Variants in OGN observed in about 807,000 individuals in gnomAD.
OGN encodes the protein osteoglycin, also known as mimecan.
A neutral mutation model predicts 30.8 loss-of-function variants in OGN; 19 were observed. The observed-to-expected ratio is 0.62, with a 90% CI of 0.43 to 0.90. OGN has a LOEUF of 0.90. Among genes scored for constraint, OGN ranks in the 40% least tolerant of loss-of-function variants. OGN has a pLI of 0.00. For synonymous variants in OGN, 126 were observed against 128.3 expected, an observed-to-expected ratio of 0.98 and a Z score of 0.12; for missense variants, 283 against 349.7, an observed-to-expected ratio of 0.81 and a Z score of 1.52.
intron 3 of OGN, among the ~76,000 whole-genome samples, chr9:92,399,765 C>T (rs1588099295): frequency 6.6e-6 from 1 of 152,220 alleles, no homozygotes; most frequent in East Asian, 1.9e-4. Flanking sequence ...ACCATTTTTG[C>T]TTCAGTGATT....
At position 92,390,064 on chromosome 9, in the gene OGN, G is replaced by GAA. The variant is rs775291999; in HGVS notation, c.428-10_428-9dup. ...CGAGTCTTCTTAAGTTAGCTAGAGG[G>GAA]AAAAAAATATAAAAAACAACTACGT... On this transcript the variant is annotated splice_polypyrimidine_tract_variant and intron_variant, in intron 4 of 6. Transcript: ENST00000375561. 13 of 1,499,346 alleles carry GAA rather than the reference G, an allele frequency of 8.7e-6. No individual in the cohort carries two copies. In the Admixed American group the frequency reaches 1.9e-4, roughly 22 times the overall value. 92.9% of individuals were successfully genotyped at this position (1,499,346 alleles called of 1,614,324 possible). A position where few individuals can be genotyped will look rare whatever the true frequency, so the allele number is the denominator to read the frequency against.
intron 1 of OGN, 84 bp downstream of exon 1, chr9:92,404,412 C>A (rs868060483): frequency 1.2e-6 from 1 of 855,712 alleles, no homozygotes; most frequent in African/African-American, 1.9e-5. Context: ...CCAGAGATGG[C>A]CTTTACATTT....
At chr9:92,389,573 T>A (rs1375496879) in intron 5 of OGN, 1 of 238,862 alleles carries the variant, frequency 4.2e-6, no homozygotes, top group East Asian at 9.1e-5. Context: ...GGGCCAACCA[T>A]GTCTGTCTAA....
At chr9:92,400,938 G>A (rs1315464843) in intron 3 of OGN, among the ~76,000 whole-genome samples, 154 bp downstream of exon 3, 4 of 152,178 alleles carry the variant, frequency 2.6e-5, no homozygotes, top group Non-Finnish European at 4.4e-5. Context: ...GATGGCAAAT[G>A]GTGTGCACTC....
chr9:92,394,467 G>C lies in OGN; in HGVS notation c.269-1223C>G, dbSNP rs1842811720. Among the ~76,000 whole-genome samples, 3 of 150,358 alleles carry C rather than the reference G, an allele frequency of 2.0e-5. No homozygotes were observed. The South Asian group carries it at 6.3e-4, about 32-fold the overall frequency. On this transcript the variant is annotated intron_variant, in intron 3 of 6. Coordinates refer to ENST00000375561, the MANE Select transcript of OGN (RefSeq NM_014057.5). ...AAGGTTTCACCATGTTGGCCAGGCTGGTCTCGAACATGACCTCAAGTGATC... is the reference window on the plus strand; with the variant it reads ...AAGGTTTCACCATGTTGGCCAGGCTCGTCTCGAACATGACCTCAAGTGATC...
chr9:92,394,269 G>A (rs141556634), intron 3 of OGN, among the ~76,000 whole-genome samples: 11 of 152,098 alleles, frequency 7.2e-5, no homozygotes, highest in Admixed American at 2.0e-4. Flanking sequence ...TTGAGACAGA[G>A]TCTTGCCCTG....
chr9:92,403,192 G>A, intron 2 of OGN, 42 bp downstream of exon 2: 1 of 1,329,586 alleles, frequency 7.5e-7, no homozygotes, highest in South Asian at 1.4e-5. Context: ...CATTTAAATG[G>A]GCAGTATTTT....
intron 2 of OGN, 114 bp downstream of exon 2, chr9:92,403,120 A>G (rs1370785176): frequency 2.2e-5 from 14 of 644,410 alleles, no homozygotes; most frequent in Non-Finnish European, 3.4e-5. Flanking sequence ...CGTTTGAATC[A>G]TTTAAAGTGA....
chr9:92,400,270 T>A (rs1282273966), intron 3 of OGN, among the ~76,000 whole-genome samples: 1 of 152,018 alleles, frequency 6.6e-6, no homozygotes, highest in Admixed American at 6.6e-5. Flanking sequence ...CTGCCTCAGC[T>A]TCCCGAGTAG....
chr9:92,403,918 C>T (rs892962937), intron 1 of OGN, among the ~76,000 whole-genome samples: 2 of 152,026 alleles, frequency 1.3e-5, no homozygotes, highest in African/African-American at 4.8e-5. Context: ...TTAAATTTAA[C>T]ATTATGAAAA....
At chr9:92,385,903 T>C in intron 6 of OGN, 113 bp from the exon 7 acceptor site, 1 of 934,000 alleles carries the variant, frequency 1.1e-6, no homozygotes, top group Non-Finnish European at 1.6e-6. Flanking sequence ...TCACTTCAAA[T>C]CCTTGTGTCA....
chr9:92,391,739 A>G (rs982764193), intron 4 of OGN, among the ~76,000 whole-genome samples: 8 of 152,236 alleles, frequency 5.3e-5, no homozygotes, highest in African/African-American at 1.7e-4. Context: ...ACCAGAAGAC[A>G]GTGTTACCTT....
intron 3 of OGN, among the ~76,000 whole-genome samples, chr9:92,398,794 G>A (rs977255269): frequency 2.0e-5 from 3 of 152,126 alleles, no homozygotes; most frequent in African/African-American, 7.2e-5. Context: ...AAGTTGGCCG[G>A]GAGTGGTGGC....
At chr9:92,390,685 C>CA (rs1182362917) in intron 4 of OGN, among the ~76,000 whole-genome samples, 1 of 152,124 alleles carries the variant, frequency 6.6e-6, no homozygotes, top group East Asian at 1.9e-4. Context: ...AAAATTACCA[C>CA]AAGTGTTGAA....
intron 1 of OGN, 66 bp downstream of exon 1, chr9:92,404,430 C>CTT (rs1843240315): frequency 9.6e-7 from 1 of 1,039,656 alleles, no homozygotes; most frequent in Non-Finnish European, 1.3e-6. Context: ...TTTATTAAGA[C>CTT]TATTAGATGA....
chr9:92,388,831 CAAA>C (rs533649013), intron 5 of OGN, among the ~76,000 whole-genome samples: 3 of 83,580 alleles, frequency 3.6e-5, no homozygotes, highest in Non-Finnish European at 2.5e-5. Flanking sequence ...GACTCCATCT[CAAA>C]AAAAAAAAAA....
rs1396970359 is a variant in OGN, at chr9:92,389,913, A to G, written c.571T>C (p.Leu191=). ...KLPVLPPKLT[L]FNAKYNKIKS... ...ATTTTGTTGTATTTTGCATTAAATA[A>G]AGTGAGCTTGGGAGGAAGAACTGGA... The change falls in exon 5 of 7, where the codon TTA becomes CTA. Residue 191 remains leucine, a synonymous_variant. Coordinates refer to ENST00000375561, the MANE Select transcript of OGN (RefSeq NM_014057.5). The G allele has an allele frequency of 6.2e-7, 1 of 1,613,406 alleles. No individual in the cohort carries two copies.
Position 92,393,107 on chromosome 9 carries a change from C to T in OGN, c.406G>A (p.Ala136Thr), listed in dbSNP as rs780550892. The T allele has an allele frequency of 2.3e-5, 37 of 1,613,254 alleles. No individual in the cohort carries two copies. Among genetic ancestry groups the T allele is most frequent in the Middle Eastern group, 1.6e-4 (1 of 6,078 alleles). Residue 136 changes from alanine to threonine, a missense_variant, in exon 4 of 7, where the codon GCC becomes ACC. Coordinates refer to ENST00000375561, the MANE Select transcript of OGN (RefSeq NM_014057.5). ...TTACGTATGTCTGCAAAATCTTTGG[C>T]AGTCAGCTTTTTAATTTTGTTGAAT... ...ARFNKIKKLT[A>T]KDFADIPNLR...
chr9:92,393,288 A>C, intron 3 of OGN, 44 bp from the exon 4 acceptor site: 1 of 1,473,158 alleles, frequency 6.8e-7, no homozygotes, highest in Non-Finnish European at 9.2e-7. Context: ...AATCGTTTGA[A>C]AATATTTCTC....
Sources: gnomAD v4.1 joint callset for allele counts (sites outside exome capture counted in the v4.1 genomes callset) on GRCh38, gnomAD v4.1.1 for gene constraint, MANE v1.5 for transcripts, NCBI Gene and HGNC (gene_info 2026-07-23, HGNC 2026-07-21) for gene names.